The following ANKRD62 variants were observed in gnomAD, a reference collection of about 807,000 sequenced individuals.
The protein encoded by ANKRD62 is ankyrin repeat domain-containing protein 62.
Under a neutral mutation model 98.8 loss-of-function variants are expected in ANKRD62, and 61 were observed. That is an observed-to-expected ratio of 0.62 (90% confidence interval 0.50 to 0.76). The LOEUF (loss-of-function observed/expected upper bound fraction) is 0.76, where lower values mean the gene tolerates loss of function less well. Ranked by LOEUF, ANKRD62 falls within the 30% of genes least tolerant of loss-of-function variation. ANKRD62 has a pLI of 0.00. For missense variants in ANKRD62, 933 were observed against 1,082.9 expected (o/e 0.86, Z 1.94); for synonymous variants, 341 against 367.9 (o/e 0.93, Z 0.84).
intron 13 of ANKRD62, among the ~76,000 whole-genome samples, chr18:12,127,224 C>T (rs1227328603): frequency 7.2e-5 from 11 of 151,976 alleles, no homozygotes; most frequent in Admixed American, 1.3e-4. Flanking sequence ...GTGGTAGGAA[C>T]GGTGGGAGTA....
the ANKRD62 span, among the ~76,000 whole-genome samples, chr18:12,175,535 G>A: frequency 1.1e-4 from 16 of 151,900 alleles, 2 homozygotes; most frequent in African/African-American, 3.9e-4. Flanking sequence ...ATAGTTTGAG[G>A]AGGGAGTATG....
the ANKRD62 span, among the ~76,000 whole-genome samples, chr18:12,179,747 A>G: frequency 9.6e-3 from 1,355 of 141,430 alleles, 23 homozygotes; most frequent in Middle Eastern, 0.046. Flanking sequence ...TGAGTTAGCG[A>G]GCCCAACAGT....
chr18:12,103,073 T>C, intron 6 of ANKRD62, 85 bp from the exon 7 acceptor site: 1 of 956,670 alleles, frequency 1.0e-6, no homozygotes, highest in Non-Finnish European at 1.4e-6. Flanking sequence ...AAAAATATGT[T>C]ATTTTCTATT....
At chr18:12,139,414 G>A in the ANKRD62 span, among the ~76,000 whole-genome samples, 1 of 152,102 alleles carries the variant, frequency 6.6e-6, no homozygotes, top group Non-Finnish European at 1.5e-5. Context: ...GGAGGTTGAG[G>A]AGGGCGGATC....
chr18:12,156,865 T>G, the ANKRD62 span, among the ~76,000 whole-genome samples: 1 of 152,198 alleles, frequency 6.6e-6, no homozygotes, highest in African/African-American at 2.4e-5. Context: ...CTTCATAGGG[T>G]AGAAAAGTAT....
chr18:12,097,044 A>T (rs1350469017), intron 4 of ANKRD62, among the ~76,000 whole-genome samples: 1 of 152,110 alleles, frequency 6.6e-6, no homozygotes, highest in Non-Finnish European at 1.5e-5. Context: ...TGCTTACTAG[A>T]TGTGTGACCT....
chr18:12,139,991 A>T, the ANKRD62 span, among the ~76,000 whole-genome samples: 11 of 152,194 alleles, frequency 7.2e-5, no homozygotes, highest in Non-Finnish European at 1.6e-4. Flanking sequence ...CACCAATGAT[A>T]TGTAGATTTG....
the ANKRD62 span, among the ~76,000 whole-genome samples, chr18:12,146,039 C>T: frequency 3.9e-4 from 60 of 151,980 alleles, no homozygotes; most frequent in Admixed American, 2.2e-3. Flanking sequence ...CACATCTTTG[C>T]CATTTGGGCG....
intron 10 of ANKRD62, among the ~76,000 whole-genome samples, chr18:12,116,291 T>C (rs1909663189): frequency 6.6e-6 from 1 of 152,224 alleles, no homozygotes. Context: ...TATTTCCATC[T>C]GATCAGCACA....
At chr18:12,167,197 A>T in the ANKRD62 span, among the ~76,000 whole-genome samples, 1 of 151,856 alleles carries the variant, frequency 6.6e-6, no homozygotes, top group Non-Finnish European at 1.5e-5. Flanking sequence ...CAGGTTTGTT[A>T]CGTATGTATA....
intron 6 of ANKRD62, chr18:12,102,206 G>A: frequency 2.4e-6 from 2 of 817,264 alleles, no homozygotes; most frequent in East Asian, 2.4e-5. Context: ...GTCCGTCACA[G>A]AGCCAAGGAT....
chr18:12,094,022 A>G lies in ANKRD62; in HGVS notation c.5A>G (p.Glu2Gly). 1 of 1,534,906 alleles carries G rather than the reference A, an allele frequency of 6.5e-7. No homozygotes were observed. The highest frequency in any genetic ancestry group is 1.7e-4 in the Middle Eastern group (1 of 5,726). The change falls in exon 1 of 14, where the codon GAG becomes GGG. Residue 2 changes from glutamate to glycine, a missense_variant. Coordinates refer to ENST00000587848, the MANE Select transcript of ANKRD62 (RefSeq NM_001277333.2). ...GAGAAGATCTCTGGCTTCAGGATGG[A>G]GGTCAGGGGGTCGTTCCTGGCGGCC... M[E>G]VRGSFLAACR... is the part of the protein sequence containing the mutation.
chr18:12,093,908 G>A lies in ANKRD62; in HGVS notation c.-110G>A, dbSNP rs1295699204. ...TGGAGTGTCCCTGACGGAGGTTGCG[G>A]CTGGACCTGGTTACGTGCTGGTGCT... On this transcript the variant is annotated 5_prime_UTR_variant, in exon 1 of 14. Coordinates refer to ENST00000587848, the MANE Select transcript of ANKRD62 (RefSeq NM_001277333.2). 5.6e-6 allele frequency: 6 copies of A among 1,064,846 alleles called. No individual in the cohort carries two copies. The African/African-American group carries it at 9.4e-5, about 17-fold the overall frequency. The allele number at this position is 1,064,846 out of a possible 1,614,324, so 66.0% of individuals were successfully genotyped here. A position where few individuals can be genotyped will look rare whatever the true frequency, so the allele number is the denominator to read the frequency against.
chr18:12,103,334 T>G (rs1909347144), intron 7 of ANKRD62, 106 bp downstream of exon 7: 3 of 575,626 alleles, frequency 5.2e-6, no homozygotes, highest in Non-Finnish European at 7.9e-6. Context: ...GAATGTAATT[T>G]AATAGTTAAT....
the ANKRD62 span, among the ~76,000 whole-genome samples, chr18:12,168,662 T>A: frequency 6.6e-6 from 1 of 152,230 alleles, no homozygotes; most frequent in Non-Finnish European, 1.5e-5. Flanking sequence ...TTTTTTCCAA[T>A]TCTGTGAAGA....
At chr18:12,173,560 A>G in the ANKRD62 span, among the ~76,000 whole-genome samples, 1 of 152,128 alleles carries the variant, frequency 6.6e-6, no homozygotes, top group African/African-American at 2.4e-5. Flanking sequence ...TATTTTGCAG[A>G]CTTGTTTATG....
In ANKRD62 at chr18:12,104,689, A is replaced by T. The variant is rs567161053; in HGVS notation, c.891+1461A>T. On this transcript the variant is annotated intron_variant, in intron 7 of 13. Coordinates refer to ENST00000587848, the MANE Select transcript of ANKRD62 (RefSeq NM_001277333.2). ...ATAACTCTACAGGAATAGCAAACTT[A>T]AAGAAAATACCCTCAAATTTGACAA... 2.0e-5 allele frequency among the ~76,000 whole-genome samples: 3 copies of T among 152,298 alleles called. No individual in the cohort carries two copies. In the East Asian group the frequency reaches 5.8e-4, roughly 29 times the overall value.
At chr18:12,137,105 A>C in the ANKRD62 span, among the ~76,000 whole-genome samples, 2 of 152,240 alleles carry the variant, frequency 1.3e-5, no homozygotes, top group Admixed American at 1.3e-4. Flanking sequence ...GTGGTAAGAG[A>C]GGGCATCCCT....
the ANKRD62 span, among the ~76,000 whole-genome samples, chr18:12,173,381 T>C: frequency 6.6e-6 from 1 of 152,240 alleles, no homozygotes; most frequent in Admixed American, 6.5e-5. Flanking sequence ...TGAGCCTATG[T>C]GTGTCATTGC....
Sources: allele counts gnomAD v4.1 joint callset (sites outside exome capture counted in the v4.1 genomes callset), GRCh38; gene constraint gnomAD v4.1.1; transcripts MANE v1.5; gene names NCBI Gene and HGNC (gene_info 2026-07-23, HGNC 2026-07-21).